KEL: variants seen among roughly 807,000 people sequenced by gnomAD.
KEL encodes the protein kell blood group glycoprotein.
A neutral mutation model predicts 99.5 loss-of-function variants in KEL; 96 were observed. That is an observed-to-expected ratio of 0.97 (90% CI 0.82 to 1.14). KEL has a LOEUF of 1.14. KEL is among the 50% of genes most tolerant of loss of function. The pLI, the probability that KEL is intolerant of heterozygous loss-of-function variation, is 0.00. For missense variants in KEL, 926 were observed against 924.2 expected, an observed-to-expected ratio of 1.00 and a Z score of -0.03; for synonymous variants, 355 against 354.8, an observed-to-expected ratio of 1.00 and a Z score of -0.01.
Position 142,953,698 on chromosome 7 carries a change from G to A in KEL, c.1073+110C>T, listed in dbSNP as rs1796746810. The A allele has an allele frequency of 2.4e-5, 31 of 1,288,126 alleles. No individual in the cohort carries two copies. In the East Asian group the frequency reaches 7.1e-4, roughly 30 times the overall value. The allele number at this position is 1,288,126 out of a possible 1,614,324, so 79.8% of individuals were successfully genotyped here. ...GGTGGCAGGTTCCTCTTATCCTCCT[G>A]GGAGGCCCTTACCAGCCTGCCTTCC... On this transcript the variant is annotated intron_variant, in intron 9 of 18. Transcript: ENST00000355265.
rs1455149417 is a variant in KEL, at chr7:142,958,002, T to C, written c.526-29A>G. ...TAAAGGAGAGAGAGGGGGCTGAGCATAAGGATCCGTGGAGCCCATCCCCCA... is the reference window on the plus strand; with the variant it reads ...TAAAGGAGAGAGAGGGGGCTGAGCACAAGGATCCGTGGAGCCCATCCCCCA... On this transcript the variant is annotated intron_variant, in intron 5 of 18. Transcript: ENST00000355265. 2.5e-6 allele frequency: 4 copies of C among 1,609,258 alleles called. No homozygotes were observed. In the African/African-American group the frequency reaches 4.0e-5, roughly 16 times the overall value.
intron 9 of KEL, 95 bp from the exon 10 acceptor site, chr7:142,952,733 A>C: frequency 1.4e-6 from 2 of 1,403,980 alleles, no homozygotes; most frequent in Non-Finnish European, 2.0e-6. Flanking sequence ...GATACTCGTG[A>C]AGGCAGCTCC....
chr7:142,944,548 G>T (rs996920648), intron 12 of KEL, 95 bp downstream of exon 12: 2 of 1,219,096 alleles, frequency 1.6e-6, no homozygotes, highest in African/African-American at 1.5e-5. Context: ...GTGCCTGGGG[G>T]GGCCTTTGGC....
intron 10 of KEL, among the ~76,000 whole-genome samples, chr7:142,949,486 C>T (rs1173281101): frequency 6.6e-6 from 1 of 152,170 alleles, no homozygotes. Context: ...TTCATAACAC[C>T]TCCTAACATA....
intron 10 of KEL, among the ~76,000 whole-genome samples, 192 bp downstream of exon 10, chr7:142,952,317 T>C (rs985292710): frequency 7.9e-5 from 12 of 152,188 alleles, no homozygotes; most frequent in Admixed American, 5.9e-4. Flanking sequence ...CCTGAAGGTC[T>C]GGCACGTGGC....
At position 142,954,804 on chromosome 7, in the gene KEL, C is replaced by A. The variant is rs569592604; in HGVS notation, c.673-277G>T. ...ATGATAATCAGCATCTTAAAAGGAG[C>A]TATTCCTTGTCTCAGGAACAGGGCC... On this transcript the variant is annotated intron_variant, in intron 6 of 18. Transcript: ENST00000355265. Among the ~76,000 whole-genome samples the A allele has an allele frequency of 9.1e-4, 139 of 152,292 alleles. 1 individual carries two copies. Among genetic ancestry groups the A allele is most frequent in the Non-Finnish European group, 1.6e-3 (112 of 68,024 alleles).
chr7:142,954,313 TG>T lies in KEL; in HGVS notation c.794del (p.Pro265GlnfsTer22). The T allele has an allele frequency of 6.2e-7, 1 of 1,614,018 alleles. No individual in the cohort carries two copies. Among genetic ancestry groups the T allele is most frequent in the Non-Finnish European group, 8.5e-7 (1 of 1,179,944 alleles). ...AGGAAGAGTGTTCTTGCACCTTGCT[TG>T]GGTCTCCTCCCAGCAAGGTTCCCAG... ...NQLGTLLGGD[P>X]SKVQEHSSLS... is the part of the protein sequence containing the mutation. On this transcript the variant is annotated frameshift_variant, in exon 8 of 19. Coordinates refer to ENST00000355265, the MANE Select transcript of KEL (RefSeq NM_000420.3). LOFTEE classifies it high-confidence loss of function.
In KEL at chr7:142,942,443, G is replaced by A. The variant is rs1307010886; in HGVS notation, c.2028C>T (p.Ser676=). The part of the protein sequence containing the change: ...DLSPQQIFFR[S]YAQVMCRKPS... ...GGTGGCCGCTGCCTACCTGGGCATAGCTTCGAAAGAAGATCTGCTGGGGGC... is the reference window on the plus strand; with the variant it reads ...GGTGGCCGCTGCCTACCTGGGCATAACTTCGAAAGAAGATCTGCTGGGGGC... The change falls in exon 18 of 19, where the codon AGC becomes AGT. Residue 676 remains serine (S), a synonymous_variant. Coordinates refer to ENST00000355265, the MANE Select transcript of KEL (RefSeq NM_000420.3). 6.3e-7 allele frequency: 1 copy of A among 1,593,724 alleles called. No individual in the cohort carries two copies.
intron 4 of KEL, among the ~76,000 whole-genome samples, 164 bp from the exon 5 acceptor site, chr7:142,958,592 C>T (rs1796885988): frequency 6.6e-6 from 1 of 152,166 alleles, no homozygotes; most frequent in Admixed American, 6.5e-5. Flanking sequence ...CTGATTCTGG[C>T]ATAACATTAC....
chr7:142,954,060 G>A, intron 8 of KEL, 104 bp from the exon 9 acceptor site: 2 of 1,416,476 alleles, frequency 1.4e-6, no homozygotes, highest in Non-Finnish European at 2.0e-6. Flanking sequence ...CTAACTGGGG[G>A]AGGGGATGGA....
At chr7:142,960,798 C>A (rs1796935999) in intron 4 of KEL, 130 bp downstream of exon 4, 1 of 970,662 alleles carries the variant, frequency 1.0e-6, no homozygotes, top group Non-Finnish European at 1.7e-6. Context: ...CAATCATCCA[C>A]CCGTATAATC....
At chr7:142,948,276 A>G (rs1796584294) in intron 10 of KEL, among the ~76,000 whole-genome samples, 1 of 152,228 alleles carries the variant, frequency 6.6e-6, no homozygotes, top group East Asian at 1.9e-4. Context: ...AGAGAGAAAG[A>G]GAGGGAGAGA....
chr7:142,944,502 G>A, intron 12 of KEL, 102 bp from the exon 13 acceptor site: 1 of 1,214,700 alleles, frequency 8.2e-7, no homozygotes, highest in Non-Finnish European at 1.2e-6. Context: ...TGTTGCCAGT[G>A]TGAGTATACA....
chr7:142,953,613 A>T (rs1041500291), intron 9 of KEL, among the ~76,000 whole-genome samples, 195 bp downstream of exon 9: 1 of 151,890 alleles, frequency 6.6e-6, no homozygotes, highest in African/African-American at 2.4e-5. Flanking sequence ...CCCAAGACAC[A>T]TCCTTCTTGA....
At position 142,961,233 on chromosome 7, in the gene KEL, G is replaced by A; in HGVS notation, c.223+127C>T. 7.3e-6 allele frequency: 11 copies of A among 1,514,400 alleles called. No individual in the cohort carries two copies. The South Asian group carries it at 1.1e-4, about 16-fold the overall frequency. 93.8% of individuals were successfully genotyped at this position (1,514,400 alleles called of 1,614,324 possible). ...ATGAAAAAGAAATGGTTAGGATGCAGGGAGGAAGAAGAACCATGGGGACCC... is the reference window on the plus strand; with the variant it reads ...ATGAAAAAGAAATGGTTAGGATGCAAGGAGGAAGAAGAACCATGGGGACCC... On this transcript the variant is annotated intron_variant, in intron 3 of 18. Coordinates refer to ENST00000355265, the MANE Select transcript of KEL (RefSeq NM_000420.3).
intron 11 of KEL, 89 bp from the exon 12 acceptor site, chr7:142,944,830 G>C (rs8176027): frequency 0.052 from 55,344 of 1,060,786 alleles, 2,528 homozygotes; most frequent in African/African-American, 0.21. Flanking sequence ...TTGGAAAAGG[G>C]CTTGGCCCCA....
chr7:142,956,169 G>A (rs575483723), intron 6 of KEL, among the ~76,000 whole-genome samples: 1 of 152,280 alleles, frequency 6.6e-6, no homozygotes, highest in Admixed American at 6.5e-5. Flanking sequence ...TGGGATCACT[G>A]TGTAATCCCC....
chr7:142,958,886 A>T (rs1796892972), intron 4 of KEL, among the ~76,000 whole-genome samples: 1 of 152,160 alleles, frequency 6.6e-6, no homozygotes, highest in Non-Finnish European at 1.5e-5. Flanking sequence ...CTTTCTATCT[A>T]TCCCAGATCT....
At chr7:142,949,452 TC>T (rs776820721) in intron 10 of KEL, among the ~76,000 whole-genome samples, 1 of 152,254 alleles carries the variant, frequency 6.6e-6, no homozygotes, top group Non-Finnish European at 1.5e-5. Context: ...GCATTTCCTT[TC>T]CTCATTTCCT....
Sources: allele counts gnomAD v4.1 joint callset (sites outside exome capture counted in the v4.1 genomes callset), GRCh38; gene constraint gnomAD v4.1.1; transcripts MANE v1.5; gene names NCBI Gene and HGNC (gene_info 2026-07-23, HGNC 2026-07-21).